COX7B2: variants seen among roughly 807,000 people sequenced by gnomAD.
The protein encoded by COX7B2 is cytochrome c oxidase subunit 7B2, also known as cytochrome c oxidase subunit 7B2, mitochondrial.
For synonymous variants in COX7B2, 37 were observed against 32.1 expected (o/e 1.15, Z -0.51); for missense variants, 109 against 95.9 (o/e 1.14, Z -0.57).
chr4:46,792,393 A>C (rs1022942500), intron 2 of COX7B2, among the ~76,000 whole-genome samples: 3 of 152,176 alleles, frequency 2.0e-5, no homozygotes, highest in Admixed American at 2.0e-4. Flanking sequence ...GGGTGGATTG[A>C]GTAAAGCACG....
intron 1 of COX7B2, among the ~76,000 whole-genome samples, chr4:46,897,673 T>G (rs879793854): frequency 2.6e-4 from 40 of 152,150 alleles, no homozygotes; most frequent in Middle Eastern, 3.4e-3. Context: ...CCCTCCTTCC[T>G]CTCCACTGCT....
chr4:46,819,375 G>A (rs556190382), intron 2 of COX7B2, among the ~76,000 whole-genome samples: 1 of 152,250 alleles, frequency 6.6e-6, no homozygotes, highest in East Asian at 1.9e-4. Flanking sequence ...GAAGCTTTCA[G>A]TTCAGAGGTA....
At chr4:46,742,080 A>G (rs1714749871) in intron 2 of COX7B2, among the ~76,000 whole-genome samples, 1 of 152,284 alleles carries the variant, frequency 6.6e-6, no homozygotes, top group Middle Eastern at 3.4e-3. Flanking sequence ...TAATTTAGAA[A>G]GCAGTACCTG....
chr4:46,881,101 C>T (rs1433683128), intron 1 of COX7B2, among the ~76,000 whole-genome samples: 1 of 151,550 alleles, frequency 6.6e-6, no homozygotes, highest in African/African-American at 2.4e-5. Flanking sequence ...TGTTTGAACC[C>T]AGGAAATCTG....
chr4:46,801,889 TG>T (rs1053664101), intron 2 of COX7B2, among the ~76,000 whole-genome samples: 2 of 152,086 alleles, frequency 1.3e-5, no homozygotes, highest in Non-Finnish European at 2.9e-5. Context: ...ATGGTAATAG[TG>T]GGGGGAAAAA....
At chr4:46,753,477 T>TA (rs1483627819) in intron 2 of COX7B2, among the ~76,000 whole-genome samples, 1 of 151,626 alleles carries the variant, frequency 6.6e-6, no homozygotes, top group Non-Finnish European at 1.5e-5. Context: ...ATTCCCTGTT[T>TA]AATAAATGGT....
chr4:46,774,047 C>T (rs12512515), intron 2 of COX7B2, among the ~76,000 whole-genome samples: 45,554 of 151,966 alleles, frequency 0.3, 7,399 homozygotes, highest in South Asian at 0.47. Flanking sequence ...CAATCTCCTG[C>T]TAGACAGTCA....
intron 2 of COX7B2, among the ~76,000 whole-genome samples, chr4:46,759,414 C>A (rs561468722): frequency 6.6e-6 from 1 of 151,812 alleles, no homozygotes; most frequent in East Asian, 1.9e-4. Flanking sequence ...GAATAGGCAA[C>A]CTACAGAATG....
At chr4:46,895,775 C>G (rs1719725415) in intron 1 of COX7B2, among the ~76,000 whole-genome samples, 1 of 152,078 alleles carries the variant, frequency 6.6e-6, no homozygotes, top group Non-Finnish European at 1.5e-5. Flanking sequence ...AAGGCCCCCC[C>G]CAAATTGTAT....
intron 2 of COX7B2, among the ~76,000 whole-genome samples, chr4:46,833,257 T>C (rs1244113946): frequency 6.6e-6 from 1 of 152,200 alleles, no homozygotes; most frequent in African/African-American, 2.4e-5. Flanking sequence ...GATATTTATT[T>C]GTAGCAATGT....
chr4:46,874,045 T>C (rs1441345323), intron 1 of COX7B2, among the ~76,000 whole-genome samples: 8 of 152,212 alleles, frequency 5.3e-5, no homozygotes, highest in Non-Finnish European at 1.2e-4. Flanking sequence ...ATGGACCCTA[T>C]GCAGAAAAAT....
At chr4:46,860,348 G>A (rs1004711181) in intron 1 of COX7B2, among the ~76,000 whole-genome samples, 2 of 152,164 alleles carry the variant, frequency 1.3e-5, no homozygotes, top group African/African-American at 4.8e-5. Flanking sequence ...GGTGACAGCA[G>A]CAGATTGAGC....
At chr4:46,803,614 A>G (rs1718787481) in intron 2 of COX7B2, among the ~76,000 whole-genome samples, 1 of 152,178 alleles carries the variant, frequency 6.6e-6, no homozygotes, top group South Asian at 2.1e-4. Context: ...GCATATATTT[A>G]TAAACATGGC....
At chr4:46,808,717 C>T (rs1222662170) in intron 2 of COX7B2, among the ~76,000 whole-genome samples, 13 of 151,750 alleles carry the variant, frequency 8.6e-5, no homozygotes, top group Non-Finnish European at 1.5e-5. Flanking sequence ...TCTTTCTATA[C>T]CTAAACTGTT....
At chr4:46,785,264 A>G (rs571081135) in intron 2 of COX7B2, among the ~76,000 whole-genome samples, 2 of 152,350 alleles carry the variant, frequency 1.3e-5, no homozygotes, top group Admixed American at 1.3e-4. Flanking sequence ...TCAATGATGT[A>G]GAAACAACTA....
At chr4:46,818,383 C>A (rs1347734188) in intron 2 of COX7B2, among the ~76,000 whole-genome samples, 2 of 152,068 alleles carry the variant, frequency 1.3e-5, no homozygotes, top group Non-Finnish European at 2.9e-5. Context: ...CCTGTAAACC[C>A]AGCACTTTGG....
At chr4:46,794,744 A>T (rs1424352102) in intron 2 of COX7B2, among the ~76,000 whole-genome samples, 2 of 152,152 alleles carry the variant, frequency 1.3e-5, no homozygotes, top group Non-Finnish European at 2.9e-5. Context: ...AAACAGCAAT[A>T]ATAATAATCT....
At chr4:46,888,600 T>C (rs1445905993) in intron 1 of COX7B2, among the ~76,000 whole-genome samples, 1 of 151,858 alleles carries the variant, frequency 6.6e-6, no homozygotes, top group East Asian at 1.9e-4. Context: ...CCCACCACCA[T>C]GCCTGGCTAA....
chr4:46,735,044 C>T lies in COX7B2; in HGVS notation c.149G>A (p.Cys50Tyr), dbSNP rs201709562. 6.2e-7 allele frequency: 1 copy of T among 1,614,050 alleles called. No homozygotes were observed. The highest frequency in any genetic ancestry group is 2.2e-5 in the East Asian group (1 of 44,862). ...GGCTGTAAACACCCATGTAGCAACACAGAAAGCAGTTCCACTGGCTAGCAC... is the reference window on the plus strand; with the variant it reads ...GGCTGTAAACACCCATGTAGCAACATAGAAAGCAGTTCCACTGGCTAGCAC... ...NAVLASGTAF[C>Y]VATWVFTATQ... is the part of the protein sequence containing the mutation. The change falls in exon 3 of 3, where the codon TGT (cysteine) becomes TAT (tyrosine). Residue 50 changes from cysteine (C) to tyrosine (Y), a missense_variant. By Grantham distance (194) the Cys-to-Tyr change is radical (BLOSUM62 -2). Transcript: ENST00000355591.
Sources: allele counts gnomAD v4.1 joint callset (sites outside exome capture counted in the v4.1 genomes callset), GRCh38; gene constraint gnomAD v4.1.1; transcripts MANE v1.5; gene names NCBI Gene and HGNC (gene_info 2026-07-23, HGNC 2026-07-21).